The following PDE3B variants were observed in gnomAD, a reference collection of about 807,000 sequenced individuals.
PDE3B encodes cGMP-inhibited 3',5'-cyclic phosphodiesterase 3B.
Under a neutral mutation model 116.8 loss-of-function variants are expected in PDE3B, and 66 were observed. That is an observed-to-expected ratio of 0.56 (90% confidence interval 0.46 to 0.69). The LOEUF is 0.69. Among genes scored for constraint, PDE3B ranks in the 30% least tolerant of loss-of-function variants. The pLI is 0.00. For synonymous variants in PDE3B, 595 were observed against 533.6 expected (o/e 1.12, Z -1.59); for missense variants, 1,384 against 1,368.1 (o/e 1.01, Z -0.18).
chr11:14,713,421 C>T (rs747322306), intron 1 of PDE3B, among the ~76,000 whole-genome samples: 14 of 152,120 alleles, frequency 9.2e-5, no homozygotes, highest in Non-Finnish European at 1.8e-4. Context: ...GACTCTCCCA[C>T]ATATAAGAGA....
chr11:14,800,208 G>A (rs191769458), intron 4 of PDE3B, among the ~76,000 whole-genome samples: 17 of 152,294 alleles, frequency 1.1e-4, no homozygotes, highest in Admixed American at 7.8e-4. Context: ...GGCTGGATAT[G>A]AAATTCTGGG....
chr11:14,831,802 T>TA (rs1324104958), intron 9 of PDE3B, 25 bp downstream of exon 9: 1 of 1,544,080 alleles, frequency 6.5e-7, no homozygotes, highest in East Asian at 2.3e-5. Context: ...ATCTACTTTT[T>TA]AACTGTAAAT....
chr11:14,708,150 G>A (rs1342941155), intron 1 of PDE3B, among the ~76,000 whole-genome samples: 1 of 152,040 alleles, frequency 6.6e-6, no homozygotes, highest in African/African-American at 2.4e-5. Flanking sequence ...CATTGGGGGT[G>A]AGTGAGTTCT....
intron 12 of PDE3B, among the ~76,000 whole-genome samples, chr11:14,851,086 G>A (rs771007389): frequency 6.6e-6 from 1 of 151,204 alleles, no homozygotes; most frequent in Non-Finnish European, 1.5e-5. Context: ...GCCTCCCAAA[G>A]TGCTGGGATT....
Position 14,830,739 on chromosome 11 carries a change from A to T in PDE3B, c.1849A>T (p.Met617Leu). ...NIFSKESFKL[M>L]ETQQEEETEK... ...TTTCTCGAAAGAATCATTCAAACTT[A>T]TGGAAACTCAACAAGAAGAGGAAAC... is the stretch of plus-strand genomic sequence containing the variant. The change falls in exon 8 of 16, where the codon ATG becomes TTG. Residue 617 changes from methionine (M) to leucine (L), a missense_variant. By Grantham distance (15) the Met-to-Leu change is conservative (BLOSUM62 2). Transcript: ENST00000282096. 1 of 1,496,754 alleles carries T rather than the reference A, an allele frequency of 6.7e-7. No individual in the cohort carries two copies. Among genetic ancestry groups the T allele is most frequent in the Non-Finnish European group, 8.9e-7 (1 of 1,124,390 alleles). 92.7% of individuals were successfully genotyped at this position (1,496,754 alleles called of 1,614,324 possible). A position where few individuals can be genotyped will look rare whatever the true frequency, so the allele number is the denominator to read the frequency against.
intron 12 of PDE3B, among the ~76,000 whole-genome samples, chr11:14,852,852 G>C (rs189941820): frequency 6.6e-6 from 1 of 152,180 alleles, no homozygotes; most frequent in East Asian, 1.9e-4. Flanking sequence ...CTTGAGCCTA[G>C]GAGTTTGAGA....
chr11:14,743,765 C>T (rs957729761), intron 1 of PDE3B, among the ~76,000 whole-genome samples: 1 of 152,210 alleles, frequency 6.6e-6, no homozygotes, highest in Non-Finnish European at 1.5e-5. Flanking sequence ...GGCCGCAATG[C>T]ACCATTCCTC....
chr11:14,689,356 A>C (rs139190368), intron 1 of PDE3B, among the ~76,000 whole-genome samples: 170 of 152,258 alleles, frequency 1.1e-3, no homozygotes, highest in Non-Finnish European at 2.2e-3. Flanking sequence ...GAAAGAGAGA[A>C]TAAGGCTAGA....
chr11:14,876,960 A>G (rs186084664), downstream of PDE3B, among the ~76,000 whole-genome samples: 6 of 152,290 alleles, frequency 3.9e-5, no homozygotes. Context: ...CTCCTGATGT[A>G]TAACACACAA....
At chr11:14,832,328 T>C (rs927737694) in intron 9 of PDE3B, among the ~76,000 whole-genome samples, 1 of 152,238 alleles carries the variant, frequency 6.6e-6, no homozygotes, top group Non-Finnish European at 1.5e-5. Flanking sequence ...TTGTGAAATA[T>C]ATAAGTTCAT....
intron 1 of PDE3B, among the ~76,000 whole-genome samples, chr11:14,751,725 G>C (rs1857060615): frequency 6.6e-6 from 1 of 152,156 alleles, no homozygotes; most frequent in South Asian, 2.1e-4. Flanking sequence ...GCAGAAACTA[G>C]ATTCTGCTGT....
chr11:14,883,378 C>T, the PDE3B span, among the ~76,000 whole-genome samples: 795 of 152,172 alleles, frequency 5.2e-3, 8 homozygotes, highest in African/African-American at 0.018. Flanking sequence ...GAAATAATGC[C>T]GCATATCTAC....
chr11:14,759,163 G>A (rs960078600), intron 1 of PDE3B, among the ~76,000 whole-genome samples: 2 of 152,034 alleles, frequency 1.3e-5, no homozygotes, highest in East Asian at 1.9e-4. Flanking sequence ...TGCTGGATTC[G>A]TTTTTTCCAG....
chr11:14,650,172 T>TA (rs1317595778), intron 1 of PDE3B, among the ~76,000 whole-genome samples: 2 of 151,980 alleles, frequency 1.3e-5, no homozygotes, highest in Non-Finnish European at 2.9e-5. Context: ...ACCTCTTCCT[T>TA]ACATTTCATA....
chr11:14,852,412 G>A (rs948858707), intron 12 of PDE3B, among the ~76,000 whole-genome samples: 7 of 152,154 alleles, frequency 4.6e-5, no homozygotes, highest in African/African-American at 9.7e-5. Context: ...CCTCAAGGAT[G>A]TTAGAAATGA....
rs573843974 is a variant in PDE3B at position 14,808,419 on chromosome 11, A to G, written c.1522+4369A>G. 2.0e-4 allele frequency among the ~76,000 whole-genome samples: 31 copies of G among 152,366 alleles called. No individual in the cohort carries two copies. In the South Asian group the frequency reaches 6.2e-3, roughly 31 times the overall value. Reference sequence around the variant, plus strand: ...AAGATACAAGAAATTTTTGACATGTACCCAAGGAAAACGTAACCCATAGAA... The same window carrying G: ...AAGATACAAGAAATTTTTGACATGTGCCCAAGGAAAACGTAACCCATAGAA... On this transcript the variant is annotated intron_variant, in intron 5 of 15. Coordinates refer to ENST00000282096, the MANE Select transcript of PDE3B (RefSeq NM_000922.4).
intron 12 of PDE3B, among the ~76,000 whole-genome samples, chr11:14,848,786 T>C (rs1032552553): frequency 6.6e-6 from 1 of 152,148 alleles, no homozygotes; most frequent in Non-Finnish European, 1.5e-5. Context: ...TTACAAGGGA[T>C]GTGAAGGACC....
At chr11:14,735,655 T>A (rs1199320509) in intron 1 of PDE3B, among the ~76,000 whole-genome samples, 1 of 152,188 alleles carries the variant, frequency 6.6e-6, no homozygotes, top group Non-Finnish European at 1.5e-5. Context: ...ATCTAGTCCC[T>A]CAGTCACACT....
At chr11:14,728,054 T>G (rs1276229784) in intron 1 of PDE3B, among the ~76,000 whole-genome samples, 1 of 152,118 alleles carries the variant, frequency 6.6e-6, no homozygotes, top group Non-Finnish European at 1.5e-5. Context: ...GAAAGATCTA[T>G]CATACATGCT....
Sources: allele counts gnomAD v4.1 joint callset (sites outside exome capture counted in the v4.1 genomes callset), GRCh38; gene constraint gnomAD v4.1.1; transcripts MANE v1.5; gene names NCBI Gene and HGNC (gene_info 2026-07-23, HGNC 2026-07-21).